The following WWOX variants were observed in gnomAD, a reference collection of about 807,000 sequenced individuals.
WWOX encodes WW domain-containing oxidoreductase.
A neutral mutation model predicts 46.2 loss-of-function variants in WWOX; 69 were observed. The ratio of observed to expected loss-of-function variants is 1.49; its 90% CI spans 1.23 to 1.82. WWOX has a LOEUF of 1.82. Ranked by LOEUF, WWOX falls within the 40% of genes most tolerant of loss-of-function variation. WWOX has a pLI of 0.00. For synonymous variants in WWOX, 359 were observed against 202.6 expected, an observed-to-expected ratio of 1.77 and a Z score of -6.56; for missense variants, 919 against 542.6, an observed-to-expected ratio of 1.69 and a Z score of -6.89.
rs539798077 is a variant in WWOX, at chr16:78,945,948, C to T, written c.1057-265660C>T. Among the ~76,000 whole-genome samples, 29 of 152,152 alleles carry T rather than the reference C, an allele frequency of 1.9e-4. 1 individual carries two copies. Among genetic ancestry groups the T allele is most frequent in the Admixed American group, 9.2e-4 (14 of 15,278 alleles). On this transcript the variant is annotated intron_variant, in intron 8 of 8. Coordinates refer to ENST00000566780, the MANE Select transcript of WWOX (RefSeq NM_016373.4). ...CTCACCACGTAGTCATTTTCTCATC[C>T]GTCTCTTCAGGCTAATAATCACCTG...
At chr16:78,419,687 AAC>A (rs1417392144) in intron 6 of WWOX, among the ~76,000 whole-genome samples, 3 of 151,510 alleles carry the variant, frequency 2.0e-5, no homozygotes, top group African/African-American at 7.3e-5. Flanking sequence ...AAAACTATAC[AAC>A]TCTTAGAAGC....
intron 8 of WWOX, among the ~76,000 whole-genome samples, chr16:78,483,082 A>C (rs1005118254): frequency 2.0e-5 from 3 of 152,162 alleles, no homozygotes; most frequent in African/African-American, 4.8e-5. Context: ...GTTGGCTTCA[A>C]GGTTATGCCA....
At chr16:78,406,707 ACCT>A (rs943201305) in intron 6 of WWOX, among the ~76,000 whole-genome samples, 58 of 149,790 alleles carry the variant, frequency 3.9e-4, no homozygotes, top group African/African-American at 1.3e-3. Flanking sequence ...GCTCACTGCA[ACCT>A]CCTCCTCCGG....
intron 8 of WWOX, among the ~76,000 whole-genome samples, chr16:79,188,926 A>G (rs1179429601): frequency 6.6e-6 from 1 of 152,216 alleles, no homozygotes; most frequent in African/African-American, 2.4e-5. Context: ...GAGGGAAAAT[A>G]TTACTTCTCA....
At chr16:78,690,722 C>T (rs1434925598) in intron 8 of WWOX, among the ~76,000 whole-genome samples, 2 of 152,164 alleles carry the variant, frequency 1.3e-5, no homozygotes, top group Non-Finnish European at 2.9e-5. Context: ...AGCCTGGATG[C>T]ATGTATGAAT....
chr16:79,048,119 C>T (rs182739179), intron 8 of WWOX, among the ~76,000 whole-genome samples: 67 of 152,232 alleles, frequency 4.4e-4, no homozygotes, highest in Admixed American at 1.1e-3. Context: ...ATCACAGACA[C>T]GGAAAATCAT....
intron 8 of WWOX, among the ~76,000 whole-genome samples, chr16:78,989,503 C>G (rs2046842740): frequency 6.6e-6 from 1 of 152,126 alleles, no homozygotes; most frequent in African/African-American, 2.4e-5. Flanking sequence ...GGCTCCACCA[C>G]CAGTCAAAGG....
intron 8 of WWOX, among the ~76,000 whole-genome samples, chr16:79,134,626 C>T (rs1340441072): frequency 6.6e-6 from 1 of 152,204 alleles, no homozygotes; most frequent in Non-Finnish European, 1.5e-5. Context: ...CACACCCACA[C>T]ATACAGACAC....
chr16:78,364,568 AAG>A (rs1292181309), intron 5 of WWOX, among the ~76,000 whole-genome samples: 3 of 102,144 alleles, frequency 2.9e-5, no homozygotes, highest in African/African-American at 9.1e-5. Flanking sequence ...AAAAATGGGA[AAG>A]AAAAAAAAAA....
At chr16:78,503,576 T>C (rs1391537264) in intron 8 of WWOX, 1 of 152,220 alleles carries the variant, frequency 6.6e-6, no homozygotes, top group Non-Finnish European at 1.5e-5. Context: ...GATCTTTGTC[T>C]TTGCATTTTT....
chr16:79,148,711 T>C (rs1378339209), intron 8 of WWOX, among the ~76,000 whole-genome samples: 2 of 152,186 alleles, frequency 1.3e-5, no homozygotes, highest in East Asian at 3.9e-4. Context: ...TTTGTGGACA[T>C]GGTATGTAAT....
chr16:78,846,691 A>G (rs1391506224), intron 8 of WWOX, among the ~76,000 whole-genome samples: 1 of 151,908 alleles, frequency 6.6e-6, no homozygotes, highest in Non-Finnish European at 1.5e-5. Context: ...GTAAAGGATC[A>G]TTTTTTTCCT....
intron 8 of WWOX, among the ~76,000 whole-genome samples, chr16:78,482,306 G>C (rs1416941134): frequency 6.6e-6 from 1 of 152,050 alleles, no homozygotes; most frequent in Non-Finnish European, 1.5e-5. Flanking sequence ...CGCGATCTTG[G>C]CTCACTGCAA....
At chr16:79,080,796 A>G (rs866490532) in intron 8 of WWOX, among the ~76,000 whole-genome samples, 6 of 152,212 alleles carry the variant, frequency 3.9e-5, no homozygotes, top group Admixed American at 2.6e-4. Context: ...GGGAGGCAAC[A>G]TCTCTAAAAG....
chr16:79,004,192 C>G (rs1450219216), intron 8 of WWOX: 1 of 152,138 alleles, frequency 6.6e-6, no homozygotes, highest in Non-Finnish European at 1.5e-5. Context: ...TGATCTAGTC[C>G]CTGTTGAGTC....
chr16:78,416,960 G>C (rs146835201), intron 6 of WWOX, among the ~76,000 whole-genome samples: 1 of 151,878 alleles, frequency 6.6e-6, no homozygotes. Context: ...TCTCTAAGAA[G>C]TTGGTTCTGT....
chr16:78,572,960 T>A (rs1183523442), intron 8 of WWOX, among the ~76,000 whole-genome samples: 2 of 152,168 alleles, frequency 1.3e-5, no homozygotes, highest in Non-Finnish European at 2.9e-5. Flanking sequence ...ACATATCACA[T>A]AATCTGAAAG....
intron 8 of WWOX, among the ~76,000 whole-genome samples, chr16:78,940,059 A>C (rs2045820877): frequency 6.6e-6 from 1 of 152,198 alleles, no homozygotes; most frequent in Admixed American, 6.5e-5. Flanking sequence ...CGTTACTTTC[A>C]TCCCATTATA....
intron 8 of WWOX, among the ~76,000 whole-genome samples, chr16:78,925,309 C>A (rs981429092): frequency 1.3e-4 from 20 of 152,134 alleles, no homozygotes; most frequent in Admixed American, 9.8e-4. Context: ...GGAAAATAAC[C>A]CCTCAACTGC....
Sources: allele counts gnomAD v4.1 joint callset (sites outside exome capture counted in the v4.1 genomes callset), GRCh38; gene constraint gnomAD v4.1.1; transcripts MANE v1.5; gene names NCBI Gene and HGNC (gene_info 2026-07-23, HGNC 2026-07-21).